LRPPRC: variants seen among roughly 807,000 people sequenced by gnomAD.
The protein encoded by LRPPRC is leucine rich pentatricopeptide repeat containing.
A neutral mutation model predicts 180.3 loss-of-function variants in LRPPRC; 120 were observed. The observed-to-expected ratio is 0.67, with a 90% CI of 0.57 to 0.77. LRPPRC has a LOEUF of 0.77. Ranked by LOEUF, LRPPRC falls within the 30% of genes least tolerant of loss-of-function variation. The probability of loss-of-function intolerance (pLI) is 0.00; values close to 1 mark genes in which losing one functional copy is unlikely to be tolerated. For missense variants in LRPPRC, 2,012 were observed against 1,657.2 expected, an observed-to-expected ratio of 1.21 and a Z score of -3.72; for synonymous variants, 723 against 600.0, an observed-to-expected ratio of 1.21 and a Z score of -3.00.
chr2:43,978,524 CATAT>C (rs1231315156), intron 3 of LRPPRC, among the ~76,000 whole-genome samples: 1 of 152,074 alleles, frequency 6.6e-6, no homozygotes, highest in African/African-American at 2.4e-5. Context: ...ACCTTTTCTG[CATAT>C]ATTTCTCCCA....
intron 36 of LRPPRC, among the ~76,000 whole-genome samples, chr2:43,891,153 G>A (rs1670477616): frequency 6.6e-6 from 1 of 152,178 alleles, no homozygotes; most frequent in South Asian, 2.1e-4. Context: ...TTCCCTTCCT[G>A]AGGAGCTGAA....
At chr2:43,965,699 G>A (rs570474876) in intron 11 of LRPPRC, among the ~76,000 whole-genome samples, 1 of 152,232 alleles carries the variant, frequency 6.6e-6, no homozygotes, top group Admixed American at 6.5e-5. Flanking sequence ...ATTAACAAAT[G>A]GGCAAAGGAT....
intron 11 of LRPPRC, among the ~76,000 whole-genome samples, chr2:43,971,357 G>A (rs925723233): frequency 6.6e-6 from 1 of 151,616 alleles, no homozygotes; most frequent in Non-Finnish European, 1.5e-5. Flanking sequence ...GATGAGCCAT[G>A]AGGAAGTAAT....
At chr2:43,980,596 G>C (rs1221610109) in intron 2 of LRPPRC, among the ~76,000 whole-genome samples, 4 of 150,114 alleles carry the variant, frequency 2.7e-5, no homozygotes, top group African/African-American at 9.8e-5. Context: ...GAGAGAGAGA[G>C]AGAGAAAGAA....
At chr2:43,988,832 C>T (rs1168851628) in intron 1 of LRPPRC, among the ~76,000 whole-genome samples, 1 of 152,004 alleles carries the variant, frequency 6.6e-6, no homozygotes, top group Non-Finnish European at 1.5e-5. Context: ...CATGAGCCAC[C>T]ACGCCTGACC....
At chr2:43,948,223 G>GA (rs374953356) in intron 17 of LRPPRC, 24 bp from the exon 18 acceptor site, 14 of 1,298,096 alleles carry the variant, frequency 1.1e-5, no homozygotes, top group Admixed American at 6.7e-5. Flanking sequence ...AGGGAGGGGG[G>GA]AAAAAACCTG....
intron 11 of LRPPRC, among the ~76,000 whole-genome samples, chr2:43,971,485 T>TAAAAAAAAAAAAAA (rs528659622): frequency 0.011 from 660 of 62,342 alleles, 68 homozygotes; most frequent in African/African-American, 0.038. Context: ...TGTGTCACAG[T>TAAAAAAAAAAAAAA]AAAAAAAAAA....
At chr2:43,918,190 T>A in intron 28 of LRPPRC, 57 bp from the exon 29 acceptor site, 1 of 1,590,712 alleles carries the variant, frequency 6.3e-7, no homozygotes, top group East Asian at 2.2e-5. Flanking sequence ...AATATAAAAG[T>A]AGGCTAATCT....
chr2:43,938,181 C>A (rs1363947736), intron 23 of LRPPRC, among the ~76,000 whole-genome samples: 1 of 142,306 alleles, frequency 7.0e-6, no homozygotes, highest in African/African-American at 2.8e-5. Flanking sequence ...TACTATTACC[C>A]TTTATAAAAA....
At chr2:43,890,192 C>A (rs1171998554) in intron 36 of LRPPRC, 7 of 412,918 alleles carry the variant, frequency 1.7e-5, no homozygotes, top group Non-Finnish European at 3.3e-5. Flanking sequence ...TGACCACAAA[C>A]TGAAGTCCTC....
intron 11 of LRPPRC, among the ~76,000 whole-genome samples, chr2:43,968,907 G>A (rs1673676006): frequency 6.6e-6 from 1 of 152,176 alleles, no homozygotes; most frequent in Admixed American, 6.5e-5. Flanking sequence ...CACACAAATG[G>A]TTAACTATGG....
chr2:43,942,595 T>C (rs1227807111), intron 23 of LRPPRC, among the ~76,000 whole-genome samples: 1 of 152,152 alleles, frequency 6.6e-6, no homozygotes, highest in Non-Finnish European at 1.5e-5. Context: ...GAGATGGTTT[T>C]TATTATACAT....
intron 25 of LRPPRC, among the ~76,000 whole-genome samples, chr2:43,927,378 A>G (rs1273299716): frequency 6.6e-6 from 1 of 152,222 alleles, no homozygotes; most frequent in Non-Finnish European, 1.5e-5. Context: ...AAATTGGTAG[A>G]CTAGAAGTTG....
chr2:43,957,484 G>A (rs1673166967), intron 13 of LRPPRC, 33 bp from the exon 14 acceptor site: 2 of 1,522,926 alleles, frequency 1.3e-6, no homozygotes, highest in East Asian at 4.5e-5. Flanking sequence ...TTAAATCTCA[G>A]ACCAAACAAA....
chr2:43,909,685 A>G (rs886648441), intron 30 of LRPPRC, among the ~76,000 whole-genome samples: 3 of 151,676 alleles, frequency 2.0e-5, no homozygotes, highest in Non-Finnish European at 4.4e-5. Context: ...GGGGAAGGAT[A>G]TGTTTGTGGC....
At chr2:43,945,511 A>G in intron 21 of LRPPRC, 94 bp from the exon 22 acceptor site, 1 of 775,502 alleles carries the variant, frequency 1.3e-6, no homozygotes, top group South Asian at 1.4e-5. Context: ...AAAGCTCATC[A>G]GAAGACCTGA....
Position 43,979,880 on chromosome 2 carries a change from GC to G in LRPPRC, c.414del (p.Lys138AsnfsTer19). ...TGAGCAAATTCTGTTCTCTCTTCAA[GC>G]TTTAGTTCAGGCAAGAGAGAACCAC... ...RSCGSLLPELKLEERTEFAHR... is the reference protein window; with the variant it reads ...RSCGSLLPELXLEERTEFAHR... On this transcript the variant is annotated frameshift_variant, in exon 3 of 38. Transcript: ENST00000260665. LOFTEE classifies it high-confidence loss of function. The G allele has an allele frequency of 6.2e-7, 1 of 1,612,928 alleles. No individual in the cohort carries two copies. Among genetic ancestry groups the G allele is most frequent in the Non-Finnish European group, 8.5e-7 (1 of 1,179,006 alleles).
intron 29 of LRPPRC, among the ~76,000 whole-genome samples, chr2:43,916,951 A>AG (rs2105022761): frequency 9.8e-6 from 1 of 102,532 alleles, no homozygotes; most frequent in Admixed American, 9.7e-5. Flanking sequence ...CTCCGGGGGG[A>AG]AAAAAAAAAA....
chr2:43,919,322 T>C (rs1488426183), intron 27 of LRPPRC, among the ~76,000 whole-genome samples: 1 of 152,192 alleles, frequency 6.6e-6, no homozygotes, highest in African/African-American at 2.4e-5. Context: ...TGGGGGCTGC[T>C]GCCGTATAGT....
Sources: allele counts gnomAD v4.1 joint callset (sites outside exome capture counted in the v4.1 genomes callset), GRCh38; gene constraint gnomAD v4.1.1; transcripts MANE v1.5; gene names NCBI Gene and HGNC (gene_info 2026-07-23, HGNC 2026-07-21).